The following TADA2A variants were observed in gnomAD, a reference collection of about 807,000 sequenced individuals.
The protein encoded by TADA2A is transcriptional adaptor 2A, also known as transcriptional adapter 2-alpha.
Under a neutral mutation model 67.4 loss-of-function variants are expected in TADA2A, and 38 were observed. That is an observed-to-expected ratio of 0.56 (90% CI 0.44 to 0.74). The LOEUF is 0.74. Ranked by LOEUF, TADA2A falls within the 30% of genes least tolerant of loss-of-function variation. TADA2A has a pLI of 0.00. For synonymous variants in TADA2A, 192 were observed against 181.6 expected, an observed-to-expected ratio of 1.06 and a Z score of -0.46; for missense variants, 454 against 547.0, an observed-to-expected ratio of 0.83 and a Z score of 1.70.
At chr17:37,425,733 C>G (rs2052384922) in intron 3 of TADA2A, among the ~76,000 whole-genome samples, 1 of 151,764 alleles carries the variant, frequency 6.6e-6, no homozygotes, top group Non-Finnish European at 1.5e-5. Flanking sequence ...AATGCCACCT[C>G]TATCTTCCAG....
At chr17:37,415,892 A>AG in intron 2 of TADA2A, among the ~76,000 whole-genome samples, 1 of 150,946 alleles carries the variant, frequency 6.6e-6, no homozygotes, top group East Asian at 2.0e-4. Context: ...AAAAAAAAAA[A>AG]GTGTCTATAT....
intron 15 of TADA2A, 83 bp from the exon 16 acceptor site, chr17:37,476,714 T>C (rs1315465197): frequency 1.3e-6 from 2 of 1,491,858 alleles, no homozygotes; most frequent in Non-Finnish European, 1.8e-6. Context: ...GATGTCACTT[T>C]AAAAAATTTT....
intron 11 of TADA2A, 140 bp downstream of exon 11, chr17:37,465,681 C>A (rs758819575): frequency 1.4e-6 from 2 of 1,477,226 alleles, no homozygotes; most frequent in Admixed American, 4.2e-5. Flanking sequence ...TACCATGAGA[C>A]AAATTTGGGA....
chr17:37,471,414 T>C (rs1352349856), intron 14 of TADA2A, among the ~76,000 whole-genome samples: 1 of 152,248 alleles, frequency 6.6e-6, no homozygotes, highest in East Asian at 1.9e-4. Flanking sequence ...CCAATGTTCA[T>C]GAGCAGTTAG....
At chr17:37,465,135 G>A (rs1228537461) in intron 10 of TADA2A, among the ~76,000 whole-genome samples, 2 of 150,840 alleles carry the variant, frequency 1.3e-5, no homozygotes, top group African/African-American at 4.9e-5. Context: ...GAGACAGAGC[G>A]AGACTCCATC....
At position 37,477,040 on chromosome 17, in the gene TADA2A, A is replaced by G; in HGVS notation, c.*58A>G. On this transcript the variant is annotated 3_prime_UTR_variant, in exon 16 of 16. Transcript: ENST00000615182. ...TTTGGAATGTGGTGGGTCAAAGGAC[A>G]ATATGGGTGGGCATTCTGGAGAGTT... 6.6e-7 allele frequency: 1 copy of G among 1,517,834 alleles called. No homozygotes were observed. The highest frequency in any genetic ancestry group is 8.9e-7 in the Non-Finnish European group (1 of 1,121,252). The allele number at this position is 1,517,834 out of a possible 1,614,324, so 94.0% of individuals were successfully genotyped here.
At chr17:37,415,869 C>A (rs1181715547) in intron 2 of TADA2A, among the ~76,000 whole-genome samples, 2 of 108,092 alleles carry the variant, frequency 1.9e-5, no homozygotes, top group Non-Finnish European at 3.6e-5. Context: ...AGTGAAACTC[C>A]TTCTCAAAAA....
In TADA2A at chr17:37,437,803, T is replaced by C. The variant is rs2052777441; in HGVS notation, c.258T>C (p.Ala86=). 6.2e-7 allele frequency: 1 copy of C among 1,614,098 alleles called. No homozygotes were observed. ...TAQEEMALLE[A]VMDCGFGNWQ... ...AAGAAGAAATGGCCCTTTTAGAAGC[T>C]GTGATGGACTGTGGCTTTGGAAATT... The change falls in exon 5 of 16, where the codon GCT becomes GCC. Residue 86 remains alanine, a synonymous_variant. Transcript: ENST00000615182.
intron 8 of TADA2A, among the ~76,000 whole-genome samples, chr17:37,451,934 A>G (rs1412587748): frequency 1.3e-5 from 2 of 152,086 alleles, no homozygotes; most frequent in African/African-American, 2.4e-5. Flanking sequence ...CAGTGAGCCA[A>G]GACTGCGCTG....
At chr17:37,435,181 A>G (rs995008818) in intron 4 of TADA2A, among the ~76,000 whole-genome samples, 19 of 152,334 alleles carry the variant, frequency 1.2e-4, no homozygotes, top group African/African-American at 4.6e-4. Context: ...TTTTCAATGA[A>G]CGATGTTAGG....
At chr17:37,470,823 G>A (rs986422403) in intron 13 of TADA2A, among the ~76,000 whole-genome samples, 1 of 151,968 alleles carries the variant, frequency 6.6e-6, no homozygotes, top group African/African-American at 2.4e-5. Context: ...ATTTTCACTG[G>A]GGAATCATGT....
At chr17:37,430,679 G>A (rs574037044) in intron 4 of TADA2A, among the ~76,000 whole-genome samples, 2 of 152,320 alleles carry the variant, frequency 1.3e-5, no homozygotes, top group South Asian at 2.1e-4. Flanking sequence ...TGGTTCAGAA[G>A]TGCTGAGGTT....
intron 8 of TADA2A, among the ~76,000 whole-genome samples, chr17:37,448,555 G>A (rs1040729314): frequency 3.9e-5 from 6 of 152,290 alleles, no homozygotes; most frequent in Non-Finnish European, 7.4e-5. Context: ...CAATGCACAT[G>A]CTTAGTGTAG....
chr17:37,479,084 T>A lies in TADA2A; in HGVS notation c.*2102T>A, dbSNP rs554162162. ...GTGACGTCTGTTGTAGTCTGAAGAG[T>A]CCTTAACCTTGATTAAGGAAGGCTT... On this transcript the variant is annotated 3_prime_UTR_variant, in exon 16 of 16. Transcript: ENST00000615182. The A allele has an allele frequency of 6.6e-6, 1 of 151,998 alleles. No homozygotes were observed. The highest frequency in any genetic ancestry group is 1.5e-5 in the Non-Finnish European group (1 of 67,998). The allele number at this position is 151,998 out of a possible 1,614,324, so 9.4% of individuals were successfully genotyped here.
intron 6 of TADA2A, 78 bp from the exon 7 acceptor site, chr17:37,442,486 T>C: frequency 4.7e-6 from 5 of 1,055,504 alleles, no homozygotes; most frequent in Non-Finnish European, 6.9e-6. Context: ...TAAATTTTAT[T>C]TATTCTTGGA....
rs1375237395 is a variant in TADA2A at position 37,467,542 on chromosome 17, T to C, written c.895+17T>C. 1.3e-6 allele frequency: 2 copies of C among 1,596,946 alleles called. No individual in the cohort carries two copies. The highest frequency in any genetic ancestry group is 8.6e-7 in the Non-Finnish European group (1 of 1,166,338). On this transcript the variant is annotated intron_variant, in intron 12 of 15. Coordinates refer to ENST00000615182, the MANE Select transcript of TADA2A (RefSeq NM_001166105.3). ...ATTTTTGTAGTAAGTATGCTTCAGC[T>C]ACATACCGTACTTGAGGGCAAGTAT...
chr17:37,469,605 C>A (rs1028993520), intron 12 of TADA2A, among the ~76,000 whole-genome samples: 1 of 152,114 alleles, frequency 6.6e-6, no homozygotes, highest in Non-Finnish European at 1.5e-5. Context: ...TGCACTCAAG[C>A]CTGGGCAACA....
rs542687040 is a variant in TADA2A, at chr17:37,444,398, G to GT, written c.532-297dup. 8.4e-5 allele frequency among the ~76,000 whole-genome samples: 12 copies of GT among 142,574 alleles called. No homozygotes were observed. The East Asian group carries it at 2.4e-3, about 29-fold the overall frequency. 93.5% of individuals were successfully genotyped at this position (142,574 alleles called of 152,430 possible). A position where few individuals can be genotyped will look rare whatever the true frequency, so the allele number is the denominator to read the frequency against. ...ATCTCCTGAGTAGCTGGGATTATAG[G>GT]TGCATGCTACTGTGCCCAGCTCAGA... On this transcript the variant is annotated intron_variant, in intron 7 of 15. Coordinates refer to ENST00000615182, the MANE Select transcript of TADA2A (RefSeq NM_001166105.3).
chr17:37,477,095 C>G lies in TADA2A; in HGVS notation c.*113C>G. On this transcript the variant is annotated 3_prime_UTR_variant, in exon 16 of 16. Coordinates refer to ENST00000615182, the MANE Select transcript of TADA2A (RefSeq NM_001166105.3). Reference sequence around the variant, plus strand: ...TTCAGCTGAATTCTCATGGTGAAAACAGGGGAAAGGACAAAGGAAACCTTA... The same window carrying G: ...TTCAGCTGAATTCTCATGGTGAAAAGAGGGGAAAGGACAAAGGAAACCTTA... 1 of 1,139,138 alleles carries G rather than the reference C, an allele frequency of 8.8e-7. No homozygotes were observed. The highest frequency in any genetic ancestry group is 1.2e-6 in the Non-Finnish European group (1 of 807,824). 70.6% of individuals were successfully genotyped at this position (1,139,138 alleles called of 1,614,324 possible).
Sources: gnomAD v4.1 joint callset for allele counts (sites outside exome capture counted in the v4.1 genomes callset) on GRCh38, gnomAD v4.1.1 for gene constraint, MANE v1.5 for transcripts, NCBI Gene and HGNC (gene_info 2026-07-23, HGNC 2026-07-21) for gene names.